CRACD: variants seen among roughly 807,000 people sequenced by gnomAD.
CRACD encodes the protein capping protein inhibiting regulator of actin dynamics, also known as capping protein-inhibiting regulator of actin dynamics.
Under a neutral mutation model 106.8 loss-of-function variants are expected in CRACD, and 56 were observed. The observed-to-expected ratio is 0.52, with a 90% CI of 0.42 to 0.66. CRACD has a LOEUF of 0.66. Among genes scored for constraint, CRACD ranks in the 30% least tolerant of loss-of-function variants. The pLI is 0.00. For missense variants in CRACD, 1,730 were observed against 1,623.2 expected (o/e 1.07, Z -1.13); for synonymous variants, 754 against 670.8 (o/e 1.12, Z -1.92).
At chr4:56,094,031 C>G (rs1480027840) in intron 1 of CRACD, among the ~76,000 whole-genome samples, 2 of 152,138 alleles carry the variant, frequency 1.3e-5, no homozygotes, top group African/African-American at 4.8e-5. Flanking sequence ...CACTAGAAGT[C>G]AGATGCATTG....
chr4:56,098,517 G>A (rs567068151), intron 1 of CRACD, among the ~76,000 whole-genome samples: 175 of 152,268 alleles, frequency 1.1e-3, no homozygotes, highest in Non-Finnish European at 1.8e-3. Context: ...TTTTTCTGAT[G>A]TACTCTGTAA....
At chr4:56,092,591 T>C (rs1733456875) in intron 1 of CRACD, among the ~76,000 whole-genome samples, 1 of 152,140 alleles carries the variant, frequency 6.6e-6, no homozygotes, top group Non-Finnish European at 1.5e-5. Context: ...TAATTTATTT[T>C]ATTTATTTTT....
intron 1 of CRACD, among the ~76,000 whole-genome samples, chr4:56,154,607 TG>T (rs1198496343): frequency 6.6e-6 from 1 of 152,214 alleles, no homozygotes; most frequent in Non-Finnish European, 1.5e-5. Context: ...ATCTGCATTA[TG>T]AATTCCCTTA....
chr4:56,233,931 A>G (rs1321275997), intron 2 of CRACD, among the ~76,000 whole-genome samples: 3 of 152,090 alleles, frequency 2.0e-5, no homozygotes, highest in Non-Finnish European at 4.4e-5. Context: ...TTTATCCCTA[A>G]GTATGTTCTA....
intron 1 of CRACD, chr4:56,170,238 G>A (rs568960673): frequency 5.1e-4 from 77 of 152,360 alleles, no homozygotes; most frequent in African/African-American, 1.6e-3. Context: ...TAGAATCCAC[G>A]TAGCTCTGAA....
rs182376644 is a variant in CRACD, at chr4:56,232,786, G to A, written c.-188-39535G>A. On this transcript the variant is annotated intron_variant, in intron 2 of 10. Coordinates refer to ENST00000682029, the MANE Select transcript of CRACD (RefSeq NM_001393381.1). ...GTCACCCAGGCTGGAGTGCAGTGGC[G>A]CGATCTCGGCTCACTGCAAACTCTG... Among the ~76,000 whole-genome samples the A allele has an allele frequency of 4.9e-3, 742 of 151,496 alleles. 4 individuals are homozygous for A. Among genetic ancestry groups the A allele is most frequent in the African/African-American group, 0.016 (669 of 41,278 alleles).
At chr4:56,293,047 G>A (rs1379375085) in intron 3 of CRACD, among the ~76,000 whole-genome samples, 1 of 152,188 alleles carries the variant, frequency 6.6e-6, no homozygotes, top group Non-Finnish European at 1.5e-5. Flanking sequence ...AAACAATTAA[G>A]TGGAAATTTG....
At chr4:56,059,766 C>T (rs576981866) in intron 1 of CRACD, among the ~76,000 whole-genome samples, 2 of 152,308 alleles carry the variant, frequency 1.3e-5, no homozygotes, top group South Asian at 4.1e-4. Flanking sequence ...TTACTGCAAC[C>T]TCCACCTCCC....
chr4:56,153,054 G>A (rs192871868), intron 1 of CRACD, among the ~76,000 whole-genome samples: 1,961 of 152,226 alleles, frequency 0.013, 18 homozygotes, highest in Admixed American at 0.041. Flanking sequence ...TGAGGTGGGC[G>A]GATCACCTAA....
intron 2 of CRACD, among the ~76,000 whole-genome samples, chr4:56,239,995 G>T (rs1003683559): frequency 6.6e-5 from 10 of 151,194 alleles, no homozygotes; most frequent in Admixed American, 4.6e-4. Flanking sequence ...TTTTTAACAG[G>T]ACTTTTAAAA....
At chr4:56,318,867 A>C (rs1007586854) in intron 8 of CRACD, among the ~76,000 whole-genome samples, 1 of 152,214 alleles carries the variant, frequency 6.6e-6, no homozygotes, top group Non-Finnish European at 1.5e-5. Flanking sequence ...AAACCCCTGG[A>C]GCACCAGCTA....
chr4:56,219,145 A>C (rs1166193587), intron 2 of CRACD, among the ~76,000 whole-genome samples: 1 of 151,770 alleles, frequency 6.6e-6, no homozygotes, highest in Non-Finnish European at 1.5e-5. Context: ...CCTTACTTTT[A>C]CTCCCTGTTG....
At chr4:56,149,045 A>G (rs1348651551) in intron 1 of CRACD, among the ~76,000 whole-genome samples, 1 of 152,056 alleles carries the variant, frequency 6.6e-6, no homozygotes. Flanking sequence ...TGAACTCCTG[A>G]CCTCAGGTGA....
intron 1 of CRACD, among the ~76,000 whole-genome samples, chr4:56,090,832 C>T (rs957515736): frequency 3.3e-5 from 5 of 152,088 alleles, no homozygotes; most frequent in African/African-American, 1.2e-4. Flanking sequence ...GAGGAAGCCA[C>T]AGTTAGGGGA....
chr4:56,270,921 A>AACAC (rs35109908), intron 2 of CRACD, among the ~76,000 whole-genome samples: 7,005 of 145,694 alleles, frequency 0.048, 186 homozygotes, highest in African/African-American at 0.081. Flanking sequence ...GTCTCTACTA[A>AACAC]ACACACACAC....
At chr4:56,131,159 G>T (rs1734812511) in intron 1 of CRACD, among the ~76,000 whole-genome samples, 1 of 152,114 alleles carries the variant, frequency 6.6e-6, no homozygotes, top group Non-Finnish European at 1.5e-5. Context: ...AAATTCTTAG[G>T]TTCTTAAGTC....
intron 2 of CRACD, among the ~76,000 whole-genome samples, chr4:56,196,008 G>A (rs748930748): frequency 3.3e-5 from 5 of 152,102 alleles, no homozygotes; most frequent in South Asian, 2.1e-4. Context: ...AAAGGAAAGC[G>A]TCCCTGAAAT....
At chr4:56,156,847 C>T (rs1438089584) in intron 1 of CRACD, among the ~76,000 whole-genome samples, 4 of 152,216 alleles carry the variant, frequency 2.6e-5, no homozygotes, top group Non-Finnish European at 5.9e-5. Context: ...GTGAGGGTTA[C>T]ATGAATTAAT....
chr4:56,073,309 G>A (rs996820559), intron 1 of CRACD, among the ~76,000 whole-genome samples: 21 of 152,172 alleles, frequency 1.4e-4, no homozygotes, highest in Non-Finnish European at 2.5e-4. Flanking sequence ...TAACTGGCGT[G>A]AAATAGTATC....
Sources: gnomAD v4.1 joint callset for allele counts (sites outside exome capture counted in the v4.1 genomes callset) on GRCh38, gnomAD v4.1.1 for gene constraint, MANE v1.5 for transcripts, NCBI Gene and HGNC (gene_info 2026-07-23, HGNC 2026-07-21) for gene names.